The following ACIN1 variants were observed in gnomAD, a reference collection of about 807,000 sequenced individuals.
ACIN1 encodes apoptotic chromatin condensation inducer in the nucleus.
In ACIN1, 16 loss-of-function variants were observed where a neutral mutation model predicts 146.6. That is an observed-to-expected ratio of 0.11 (90% CI 0.07 to 0.17). ACIN1 has a LOEUF of 0.17. Among genes scored for constraint, ACIN1 ranks in the 10% least tolerant of loss-of-function variants. ACIN1 has a pLI of 1.00. For missense variants in ACIN1, 1,357 were observed against 1,609.3 expected (o/e 0.84, Z 2.68); for synonymous variants, 569 against 582.7 (o/e 0.98, Z 0.34).
intron 4 of ACIN1, among the ~76,000 whole-genome samples, chr14:23,089,564 C>T (rs999018988): frequency 2.6e-5 from 4 of 152,116 alleles, no homozygotes; most frequent in African/African-American, 9.7e-5. Flanking sequence ...TACTATATTC[C>T]TCGTGCCTAG....
At chr14:23,076,420 A>G (rs1005157099) in intron 8 of ACIN1, 13 of 152,194 alleles carry the variant, frequency 8.5e-5, no homozygotes, top group Non-Finnish European at 1.9e-4. Flanking sequence ...ATTAGAATCA[A>G]TGTGACTAAA....
At chr14:23,074,445 G>C (rs1402953702) in intron 8 of ACIN1, among the ~76,000 whole-genome samples, 1 of 151,894 alleles carries the variant, frequency 6.6e-6, no homozygotes, top group Admixed American at 6.6e-5. Context: ...CGCGTCTATA[G>C]TCCCAGATAC....
intron 6 of ACIN1, 109 bp downstream of exon 6, chr14:23,079,438 A>C (rs2047885036): frequency 6.7e-7 from 1 of 1,503,458 alleles, no homozygotes; most frequent in Non-Finnish European, 8.9e-7. Flanking sequence ...AGAGTAAAGG[A>C]GGCTTTTCCT....
At chr14:23,071,683 CG>C in intron 8 of ACIN1, 2 of 923,944 alleles carry the variant, frequency 2.2e-6, no homozygotes, top group Non-Finnish European at 3.1e-6. Context: ...CACAGGGAGC[CG>C]ACTGCTGGCT....
chr14:23,071,070 C>T lies in ACIN1; in HGVS notation c.2124-1453G>A, dbSNP rs143329452. On this transcript the variant is annotated intron_variant, in intron 8 of 18. Coordinates refer to ENST00000605057, the MANE Select transcript of ACIN1 (RefSeq NM_001386863.1). ...AAAGCCATGAGGAAGAGAAGGAAGA[C>T]GAAGGGAGCTAGGGCGGCGGGGAAA... is the stretch of plus-strand genomic sequence containing the variant. The T allele has an allele frequency of 2.9e-4, 438 of 1,510,468 alleles. 1 individual carries two copies. In the East Asian group the frequency reaches 6.1e-3, roughly 21 times the overall value. The allele number at this position is 1,510,468 out of a possible 1,614,324, so 93.6% of individuals were successfully genotyped here.
chr14:23,067,575 G>A lies in ACIN1; in HGVS notation c.2266-1567C>T. 1 of 985,946 alleles carries A rather than the reference G, an allele frequency of 1.0e-6. No individual in the cohort carries two copies. Among genetic ancestry groups the A allele is most frequent in the Non-Finnish European group, 1.2e-6 (1 of 830,042 alleles). The allele number at this position is 985,946 out of a possible 1,614,324, so 61.1% of individuals were successfully genotyped here. On this transcript the variant is annotated intron_variant, in intron 9 of 18. Transcript: ENST00000605057. The surrounding 1 kb of genome is among the most constrained non-coding windows in gnomAD (Gnocchi z 4.6). ...AAGACAGTTCACTGGCGGTGGCCAG[G>A]CTCAGCGAGGGATAGAGGGGGGAAA...
chr14:23,059,205 G>T lies in ACIN1; in HGVS notation c.3795C>A (p.Arg1265=). ...TGCTCCGACTCCGGCTTCTGCTGTGGCGCTTGGTGTCCCTGCGATCCCTTT... is the reference window on the plus strand; with the variant it reads ...TGCTCCGACTCCGGCTTCTGCTGTGTCGCTTGGTGTCCCTGCGATCCCTTT... ...GRERDRRDTK[R]HSRSRSRSTP... Residue 1265 remains arginine (R), a synonymous_variant, in exon 19 of 19, where the codon CGC becomes CGA. Transcript: ENST00000605057. 1 of 1,613,922 alleles carries T rather than the reference G, an allele frequency of 6.2e-7. No homozygotes were observed. Among genetic ancestry groups the T allele is most frequent in the Non-Finnish European group, 8.5e-7 (1 of 1,179,986 alleles).
chr14:23,080,340 G>A lies in ACIN1; in HGVS notation c.995C>T (p.Pro332Leu), dbSNP rs780311447. Residue 332 changes from proline to leucine, a missense_variant, in exon 6 of 19, where the codon CCT becomes CTT. Transcript: ENST00000605057. ...CTTCTTTCGATCTTCAGTCAGTCGA[G>A]GAGGGGAAGGAGACTTCGATTTTTC... is the stretch of plus-strand genomic sequence containing the variant. ...LKEKSKSPSP[P>L]RLTEDRKKAS... is the part of the protein sequence containing the mutation. 2 of 1,614,200 alleles carry A rather than the reference G, an allele frequency of 1.2e-6. No individual in the cohort carries two copies. Among genetic ancestry groups the A allele is most frequent in the South Asian group, 2.2e-5 (2 of 91,074 alleles).
chr14:23,081,260 T>C (rs1774588454), intron 5 of ACIN1, among the ~76,000 whole-genome samples: 1 of 113,102 alleles, frequency 8.8e-6, no homozygotes, highest in Non-Finnish European at 1.8e-5. Context: ...TCTGCCCACT[T>C]AGTGTTATAT....
At chr14:23,064,637 A>G (rs908077019) in intron 10 of ACIN1, 149 bp from the exon 11 acceptor site, 5 of 1,148,766 alleles carry the variant, frequency 4.4e-6, no homozygotes, top group Non-Finnish European at 6.1e-6. Flanking sequence ...GGTGGCTCAC[A>G]CCTGTAATCC....
Position 23,063,461 on chromosome 14 carries a change from T to G in ACIN1, c.2712A>C (p.Pro904=). 1 of 1,614,184 alleles carries G rather than the reference T, an allele frequency of 6.2e-7. No homozygotes were observed. The highest frequency in any genetic ancestry group is 8.5e-7 in the Non-Finnish European group (1 of 1,180,026). The change falls in exon 13 of 19, where the codon CCA becomes CCC. Residue 904 remains proline (P), a synonymous_variant. Coordinates refer to ENST00000605057, the MANE Select transcript of ACIN1 (RefSeq NM_001386863.1). ...PQVSVEVALP[P]PAEHEVKKVT... is the part of the protein sequence containing the mutation. Reference sequence around the variant, plus strand: ...CTTTCTTTACTTCATGCTCTGCAGGTGGGGGCAAGGCCACCTCTACTGACA... The same window carrying G: ...CTTTCTTTACTTCATGCTCTGCAGGGGGGGGCAAGGCCACCTCTACTGACA...
intron 3 of ACIN1, 65 bp downstream of exon 3, chr14:23,090,457 C>T (rs1305398028): frequency 9.3e-6 from 13 of 1,399,966 alleles, no homozygotes; most frequent in Admixed American, 1.8e-5. Flanking sequence ...TTAGACAGGC[C>T]TATCTACTTG....
At chr14:23,061,205 C>T in intron 17 of ACIN1, 21 bp from the exon 18 acceptor site, 1 of 1,614,056 alleles carries the variant, frequency 6.2e-7, no homozygotes, top group Non-Finnish European at 8.5e-7. Flanking sequence ...AAAAAGTGAA[C>T]CAGATATGAT....
In ACIN1 at chr14:23,090,155, A is replaced by G. The variant is rs73598429; in HGVS notation, c.317-54T>C. 3.7e-3 allele frequency: 5,851 copies of G among 1,587,254 alleles called. 185 individuals carry two copies. In the African/African-American group the frequency reaches 0.069, roughly 19 times the overall value. ...GGAGGGAGTGAAGGACTCAGCATGT[A>G]GGAATATGTAGAGGAGTGAAGGAGG... is the stretch of plus-strand genomic sequence containing the variant. On this transcript the variant is annotated intron_variant, in intron 3 of 18. Transcript: ENST00000605057.
chr14:23,068,034 G>C lies in ACIN1; in HGVS notation c.2265+1442C>G. ...CTCCAGGGATGGAGGAGAAGTTGGAGCAACCAACATGCTGCCCTTCACCAT... is the reference window on the plus strand; with the variant it reads ...CTCCAGGGATGGAGGAGAAGTTGGACCAACCAACATGCTGCCCTTCACCAT... On this transcript the variant is annotated intron_variant, in intron 9 of 18. Transcript: ENST00000605057. This position sits in a 1 kb window ranked among gnomAD's most constrained non-coding sequence, Gnocchi z 4.3. The C allele has an allele frequency of 1.0e-6, 1 of 985,882 alleles. No individual in the cohort carries two copies. The highest frequency in any genetic ancestry group is 1.2e-6 in the Non-Finnish European group (1 of 829,946). 61.1% of individuals were successfully genotyped at this position (985,882 alleles called of 1,614,324 possible). A position where few individuals can be genotyped will look rare whatever the true frequency, so the allele number is the denominator to read the frequency against.
At chr14:23,089,843 G>A in intron 4 of ACIN1, 139 bp downstream of exon 4, 1 of 1,213,648 alleles carries the variant, frequency 8.2e-7, no homozygotes. Flanking sequence ...CTTTCCATGA[G>A]AAACAGATGT....
At position 23,059,122 on chromosome 14, in the gene ACIN1, T is replaced by C. The variant is rs200668662; in HGVS notation, c.*26A>G. 6 of 1,602,610 alleles carry C rather than the reference T, an allele frequency of 3.7e-6. No individual in the cohort carries two copies. The highest frequency in any genetic ancestry group is 3.3e-5 in the South Asian group (3 of 90,344). On this transcript the variant is annotated 3_prime_UTR_variant, in exon 19 of 19. Coordinates refer to ENST00000605057, the MANE Select transcript of ACIN1 (RefSeq NM_001386863.1). ...TAACCCCCTGGGGCCGAGTGGCTGG[T>C]ACCTGCAGCTCTAGTGTTTTCCCAG...
Position 23,071,409 on chromosome 14 carries a change from T to G in ACIN1, c.2124-1792A>C, listed in dbSNP as rs775861971. 4.5e-6 allele frequency: 7 copies of G among 1,551,274 alleles called. No homozygotes were observed. The African/African-American group carries it at 6.8e-5, about 15-fold the overall frequency. Reference sequence around the variant, plus strand: ...TAAAACAGATCTGGCTTTTAAGAGATAAGCGTTAAGTCCTCACGGCAAACC... The same window carrying G: ...TAAAACAGATCTGGCTTTTAAGAGAGAAGCGTTAAGTCCTCACGGCAAACC... On this transcript the variant is annotated intron_variant, in intron 8 of 18. Coordinates refer to ENST00000605057, the MANE Select transcript of ACIN1 (RefSeq NM_001386863.1).
chr14:23,061,922 T>C (rs566031104), intron 16 of ACIN1, among the ~76,000 whole-genome samples: 3 of 135,966 alleles, frequency 2.2e-5, no homozygotes, highest in East Asian at 2.1e-4. Context: ...TGCAGTGAGC[T>C]GAGATCGCGC....
Sources: gnomAD v4.1 joint callset for allele counts (sites outside exome capture counted in the v4.1 genomes callset) on GRCh38, gnomAD v4.1.1 for gene constraint, Gnocchi (gnomAD v3.1) non-coding constraint, MANE v1.5 for transcripts, NCBI Gene and HGNC (gene_info 2026-07-23, HGNC 2026-07-21) for gene names.